HTR2A: variants seen among roughly 807,000 people sequenced by gnomAD.
HTR2A encodes the protein 5-HT2 receptor.
A neutral mutation model predicts 31.0 loss-of-function variants in HTR2A; 14 were observed. The ratio of observed to expected loss-of-function variants is 0.45; its 90% CI spans 0.30 to 0.71. HTR2A has a LOEUF of 0.71. HTR2A is among the 30% of genes least tolerant of loss of function. HTR2A has a pLI of 0.09. For missense variants in HTR2A, 442 were observed against 573.3 expected, an observed-to-expected ratio of 0.77 and a Z score of 2.34; for synonymous variants, 209 against 225.2, an observed-to-expected ratio of 0.93 and a Z score of 0.64.
chr13:46,833,038 G>T lies in HTR2A; in HGVS notation c.*1799C>A, dbSNP rs920721413. 1 of 152,146 alleles carries T rather than the reference G, an allele frequency of 6.6e-6. No individual in the cohort carries two copies. Among genetic ancestry groups the T allele is most frequent in the Admixed American group, 6.5e-5 (1 of 15,274 alleles). 9.4% of individuals were successfully genotyped at this position (152,146 alleles called of 1,614,324 possible). A position where few individuals can be genotyped will look rare whatever the true frequency, so the allele number is the denominator to read the frequency against. On this transcript the variant is annotated 3_prime_UTR_variant, in exon 4 of 4. Coordinates refer to ENST00000542664, the MANE Select transcript of HTR2A (RefSeq NM_000621.5). ...TTCTATTAGGGAGCCCAGTGTCAAT[G>T]AGTAATACTGAAATGAGTGAGTTTT...
intron 3 of HTR2A, among the ~76,000 whole-genome samples, chr13:46,884,183 A>C (rs947741285): frequency 9.9e-5 from 15 of 152,228 alleles, no homozygotes; most frequent in Admixed American, 2.0e-4. Flanking sequence ...GAAGTGGCTC[A>C]CGCCTGTAAT....
chr13:46,880,725 G>A (rs1042476653), intron 3 of HTR2A, among the ~76,000 whole-genome samples: 1 of 152,098 alleles, frequency 6.6e-6, no homozygotes, highest in African/African-American at 2.4e-5. Context: ...TGTAATCCCA[G>A]CTACTCAGGA....
intron 3 of HTR2A, among the ~76,000 whole-genome samples, chr13:46,868,279 A>G (rs1206745550): frequency 6.6e-6 from 1 of 152,216 alleles, no homozygotes; most frequent in African/African-American, 2.4e-5. Context: ...GAATTACTGA[A>G]GGCAGCTATA....
intron 3 of HTR2A, among the ~76,000 whole-genome samples, chr13:46,892,155 A>C (rs1348689089): frequency 6.6e-6 from 1 of 152,224 alleles, no homozygotes; most frequent in African/African-American, 2.4e-5. Context: ...TTTTGGCTCT[A>C]CTGTTTATAG....
At chr13:46,878,704 G>A (rs187129206) in intron 3 of HTR2A, among the ~76,000 whole-genome samples, 15 of 152,288 alleles carry the variant, frequency 9.8e-5, no homozygotes, top group African/African-American at 3.1e-4. Flanking sequence ...GAAGACAGAT[G>A]TGAAGAAATC....
chr13:46,869,517 A>G (rs1332886426), intron 3 of HTR2A, among the ~76,000 whole-genome samples: 1 of 152,162 alleles, frequency 6.6e-6, no homozygotes, highest in African/African-American at 2.4e-5. Flanking sequence ...ACAGTTTGAT[A>G]GTTCATCAAA....
chr13:46,880,465 T>C (rs9567745), intron 3 of HTR2A, among the ~76,000 whole-genome samples: 142,737 of 152,260 alleles, frequency 0.94, 66,959 homozygotes, highest in African/African-American at 0.96. Context: ...CCTTCTCTTC[T>C]TCTTAGAAAG....
intron 3 of HTR2A, among the ~76,000 whole-genome samples, chr13:46,876,080 C>T (rs1410323811): frequency 2.6e-5 from 4 of 152,106 alleles, no homozygotes; most frequent in Non-Finnish European, 5.9e-5. Flanking sequence ...ATAAAAATAT[C>T]CTTTAAAGAA....
At chr13:46,863,670 AT>A (rs746685212) in intron 3 of HTR2A, among the ~76,000 whole-genome samples, 1 of 139,184 alleles carries the variant, frequency 7.2e-6, no homozygotes, top group Non-Finnish European at 1.6e-5. Flanking sequence ...AAAGACAGTC[AT>A]ATGAAAAAAG....
chr13:46,863,741 C>T (rs1299605377), intron 3 of HTR2A, among the ~76,000 whole-genome samples: 1 of 150,574 alleles, frequency 6.6e-6, no homozygotes, highest in Non-Finnish European at 1.5e-5. Context: ...TCATGCCAGT[C>T]AGAATGGTGA....
chr13:46,864,414 T>C (rs2760344), intron 3 of HTR2A, among the ~76,000 whole-genome samples: 127,625 of 152,186 alleles, frequency 0.84, 54,442 homozygotes, highest in East Asian at 0.97. Flanking sequence ...GTTCATAAAA[T>C]CCTTGTAATT....
chr13:46,897,666 T>G (rs1004164661), upstream of HTR2A, among the ~76,000 whole-genome samples: 1 of 152,212 alleles, frequency 6.6e-6, no homozygotes, highest in Admixed American at 6.5e-5. Context: ...GGCAGTTCGA[T>G]CTCTCTCTTT....
intron 3 of HTR2A, chr13:46,853,837 C>T (rs1950710300): frequency 6.6e-6 from 1 of 152,212 alleles, no homozygotes; most frequent in Non-Finnish European, 1.5e-5. Flanking sequence ...TTCTGGGCTA[C>T]ATTTCTTTCC....
intron 3 of HTR2A, among the ~76,000 whole-genome samples, chr13:46,836,961 A>G (rs1950565537): frequency 6.6e-6 from 1 of 152,172 alleles, no homozygotes; most frequent in South Asian, 2.1e-4. Flanking sequence ...ATTGCAAAAA[A>G]CAAGACAGCC....
At chr13:46,853,532 G>A (rs187941748) in intron 3 of HTR2A, among the ~76,000 whole-genome samples, 29 of 152,274 alleles carry the variant, frequency 1.9e-4, no homozygotes, top group Admixed American at 1.7e-3. Context: ...TTCCAGGTGA[G>A]GCCAAGTGTA....
intron 3 of HTR2A, among the ~76,000 whole-genome samples, chr13:46,878,332 G>A (rs2138236618): frequency 1.3e-5 from 2 of 152,286 alleles, no homozygotes; most frequent in Middle Eastern, 6.8e-3. Context: ...AGTCTAATGG[G>A]CTGAGTAGAT....
chr13:46,896,641 A>G (rs982565983), intron 1 of HTR2A, 33 bp downstream of exon 1: 6 of 1,450,494 alleles, frequency 4.1e-6, no homozygotes, highest in Non-Finnish European at 5.5e-6. Flanking sequence ...AGAAAATTAC[A>G]CAGCAATAAA....
At chr13:46,874,317 C>T (rs1016690503) in intron 3 of HTR2A, among the ~76,000 whole-genome samples, 8 of 152,102 alleles carry the variant, frequency 5.3e-5, no homozygotes, top group Non-Finnish European at 8.8e-5. Context: ...TGTAAAAAGG[C>T]GAACACAGGC....
chr13:46,842,393 G>A (rs529502932), intron 3 of HTR2A, among the ~76,000 whole-genome samples: 1 of 152,198 alleles, frequency 6.6e-6, no homozygotes, highest in African/African-American at 2.4e-5. Context: ...AAAGCTTGGA[G>A]AATGAGTCTT....
Sources: gnomAD v4.1 joint callset for allele counts (sites outside exome capture counted in the v4.1 genomes callset) on GRCh38, gnomAD v4.1.1 for gene constraint, MANE v1.5 for transcripts, NCBI Gene and HGNC (gene_info 2026-07-23, HGNC 2026-07-21) for gene names.